Variants in NCOR1 observed in about 807,000 individuals in gnomAD.
The protein encoded by NCOR1 is nuclear receptor corepressor 1.
A neutral mutation model predicts 288.1 loss-of-function variants in NCOR1; 63 were observed. The ratio of observed to expected loss-of-function variants is 0.22; its 90% CI spans 0.18 to 0.27. The LOEUF is 0.27. Among genes scored for constraint, NCOR1 ranks in the 10% least tolerant of loss-of-function variants. The pLI is 1.00. For synonymous variants in NCOR1, 1,007 were observed against 1,065.9 expected (o/e 0.94, Z 1.08); for missense variants, 2,397 against 3,019.2 (o/e 0.79, Z 4.83).
rs1376072269 is a variant in NCOR1 at position 16,092,679 on chromosome 17, ATATATATATATATATATTTTTTT to A, written c.2821-644_2821-622del. Among the ~76,000 whole-genome samples, 16 of 18,678 alleles carry A rather than the reference ATATATATATATATATATTTTTTT, an allele frequency of 8.6e-4. No individual in the cohort carries two copies. The East Asian group carries it at 0.032, about 38-fold the overall frequency. 12.3% of individuals were successfully genotyped at this position (18,678 alleles called of 152,430 possible). A position where few individuals can be genotyped will look rare whatever the true frequency, so the allele number is the denominator to read the frequency against. On this transcript the variant is annotated intron_variant, in intron 21 of 45. Transcript: ENST00000268712. Reference sequence around the variant, plus strand: ...TATATATATATATATATATATATATATATATATATATATATATTTTTTTTTTTTTTTTTTTTTAAGACATAGTC... The same window carrying A: ...TATATATATATATATATATATATATATTTTTTTTTTTTTTAAGACATAGTC...
chr17:16,062,632 T>C (rs561069449), intron 35 of NCOR1, among the ~76,000 whole-genome samples: 3 of 152,342 alleles, frequency 2.0e-5, no homozygotes, highest in Non-Finnish European at 4.4e-5. Context: ...CTAGTGTGTA[T>C]ATGATTTCCA....
chr17:16,150,035 G>A (rs1478484576), intron 8 of NCOR1, among the ~76,000 whole-genome samples: 1 of 152,050 alleles, frequency 6.6e-6, no homozygotes, highest in Non-Finnish European at 1.5e-5. Flanking sequence ...GTAATGGAGG[G>A]CAATGTGTCA....
intron 14 of NCOR1, among the ~76,000 whole-genome samples, chr17:16,128,871 G>C (rs1388161294): frequency 6.6e-6 from 1 of 151,962 alleles, no homozygotes; most frequent in Admixed American, 6.5e-5. Context: ...CTAATCCAAG[G>C]GGCAAGGAAA....
At chr17:16,202,223 C>CAAAAAAAAAAA (rs35812448) in intron 1 of NCOR1, among the ~76,000 whole-genome samples, 1 of 97,414 alleles carries the variant, frequency 1.0e-5, no homozygotes. Flanking sequence ...GACTCCATCT[C>CAAAAAAAAAAA]AAAAAAAAAA....
At chr17:16,050,310 C>T (rs2059163019) in intron 40 of NCOR1, among the ~76,000 whole-genome samples, 1 of 151,946 alleles carries the variant, frequency 6.6e-6, no homozygotes, top group South Asian at 2.1e-4. Flanking sequence ...ATAACCTCCA[C>T]CTCCCAGGTT....
intron 4 of NCOR1, among the ~76,000 whole-genome samples, chr17:16,171,030 A>G (rs1244488821): frequency 6.6e-6 from 1 of 152,142 alleles, no homozygotes; most frequent in Non-Finnish European, 1.5e-5. Context: ...CATGGCAACT[A>G]TAGCTAATAA....
chr17:16,119,362 A>C (rs903820269), intron 17 of NCOR1, 61 bp downstream of exon 17: 1 of 1,234,356 alleles, frequency 8.1e-7, no homozygotes, highest in African/African-American at 1.5e-5. Context: ...CATCTCACTC[A>C]TTACTAATAA....
At chr17:16,209,544 G>A (rs1485856578) in intron 1 of NCOR1, among the ~76,000 whole-genome samples, 1 of 149,148 alleles carries the variant, frequency 6.7e-6, no homozygotes, top group African/African-American at 2.5e-5. Flanking sequence ...AAAACAATCA[G>A]ACCCCATCTC....
chr17:16,119,310 C>A, intron 17 of NCOR1, 113 bp downstream of exon 17: 2 of 732,982 alleles, frequency 2.7e-6, no homozygotes, highest in Non-Finnish European at 2.2e-6. Context: ...GTCCTCTTTG[C>A]CTTTTTGAAA....
rs551167029 is a variant in NCOR1 at position 16,215,043 on chromosome 17, C to A, written c.-71+319G>T. Among the ~76,000 whole-genome samples, 99 of 152,376 alleles carry A rather than the reference C, an allele frequency of 6.5e-4. 2 individuals are homozygous for A. The highest frequency in any genetic ancestry group is 2.3e-3 in the African/African-American group (95 of 41,592). On this transcript the variant is annotated intron_variant, in intron 1 of 45. Coordinates refer to ENST00000268712, the MANE Select transcript of NCOR1 (RefSeq NM_006311.4). The stretch of plus-strand genomic sequence containing the variant: ...GGGGCACCGGCTGCCCGCTCTCCCT[C>A]GCAGGCCCTGTAGGCTCCGCACGCC...
At chr17:16,125,924 GGTATAATGT>G (rs2073962632) in intron 15 of NCOR1, among the ~76,000 whole-genome samples, 149 bp downstream of exon 15, 1 of 151,592 alleles carries the variant, frequency 6.6e-6, no homozygotes, top group Non-Finnish European at 1.5e-5. Context: ...AGGTATAATG[GGTATAATGT>G]ACACTATTTG....
chr17:16,161,817 T>C (rs568337547), intron 5 of NCOR1, among the ~76,000 whole-genome samples: 24 of 152,280 alleles, frequency 1.6e-4, no homozygotes, highest in Non-Finnish European at 2.1e-4. Flanking sequence ...TTCATAATAA[T>C]CATACATTAT....
rs2152997422 is a variant in NCOR1, at chr17:16,101,611, C to A, written c.2329G>T (p.Asp777Tyr). 1 of 1,614,208 alleles carries A rather than the reference C, an allele frequency of 6.2e-7. No homozygotes were observed. Among genetic ancestry groups the A allele is most frequent in the Non-Finnish European group, 8.5e-7 (1 of 1,180,040 alleles). ...LAVPSTKPAE[D>Y]ESVETQVNDS... is the part of the protein sequence containing the mutation. The stretch of plus-strand genomic sequence containing the variant: ...TTCACCTGGGTCTCCACACTTTCAT[C>A]TTCAGCTGGTTTTGTACTTGGAACT... Residue 777 changes from aspartate to tyrosine, a missense_variant, in exon 20 of 46, where the codon GAT becomes TAT. By Grantham distance (160) the Asp-to-Tyr change is radical. Coordinates refer to ENST00000268712, the MANE Select transcript of NCOR1 (RefSeq NM_006311.4).
rs1385840930 is a variant in NCOR1 at position 16,126,108 on chromosome 17, CTCT to C, written c.1605_1607del (p.Glu537del). The C allele has an allele frequency of 7.1e-7, 1 of 1,407,304 alleles. No individual in the cohort carries two copies. Among genetic ancestry groups the C allele is most frequent in the African/African-American group, 1.5e-5 (1 of 68,266 alleles). The allele number at this position is 1,407,304 out of a possible 1,614,324, so 87.2% of individuals were successfully genotyped here. On this transcript the variant is annotated inframe_deletion, in exon 15 of 46. Transcript: ENST00000268712. ...TGGAGTCTTCTTTTTCATCTTTTTC[CTCT>C]TCATCTTTCTTTTCTTCTTCTTTTT...
chr17:16,196,169 T>C (rs933393787), intron 1 of NCOR1, among the ~76,000 whole-genome samples: 8 of 149,768 alleles, frequency 5.3e-5, no homozygotes, highest in Non-Finnish European at 1.2e-4. Flanking sequence ...ATTTTATATA[T>C]ATAAAATCTC....
intron 18 of NCOR1, among the ~76,000 whole-genome samples, chr17:16,113,489 T>C (rs1268884572): frequency 6.6e-6 from 1 of 152,216 alleles, no homozygotes; most frequent in Admixed American, 6.5e-5. Flanking sequence ...CAGATACTTA[T>C]GCATACTATT....
chr17:16,163,110 A>C (rs2081215828), intron 5 of NCOR1, among the ~76,000 whole-genome samples: 1 of 152,160 alleles, frequency 6.6e-6, no homozygotes. Context: ...GTGACCGCGA[A>C]TTAGGCAATG....
intron 27 of NCOR1, among the ~76,000 whole-genome samples, chr17:16,074,550 G>A (rs2062158849): frequency 6.6e-6 from 1 of 152,188 alleles, no homozygotes; most frequent in Non-Finnish European, 1.5e-5. Flanking sequence ...ACGTGTAAAG[G>A]AGAGTGAAAT....
Position 16,186,308 on chromosome 17 carries a change from C to T in NCOR1, c.242+246G>A, listed in dbSNP as rs547553976. On this transcript the variant is annotated intron_variant, in intron 3 of 45. Transcript: ENST00000268712. ...TGCAGCCCAAGTCTATAGAACATAA[C>T]CAAGGACACACAGGTGACCAGGTGG... Among the ~76,000 whole-genome samples, 9 of 152,202 alleles carry T rather than the reference C, an allele frequency of 5.9e-5. No individual in the cohort carries two copies. The South Asian group carries it at 1.9e-3, about 32-fold the overall frequency.
Sources: gnomAD v4.1 joint callset for allele counts (sites outside exome capture counted in the v4.1 genomes callset) on GRCh38, gnomAD v4.1.1 for gene constraint, MANE v1.5 for transcripts, NCBI Gene and HGNC (gene_info 2026-07-23, HGNC 2026-07-21) for gene names.